RAB2A: variants seen among roughly 807,000 people sequenced by gnomAD.
The protein encoded by RAB2A is RAB2A, member RAS oncogene family.
In RAB2A, 7 loss-of-function variants were observed where a neutral mutation model predicts 32.5. The ratio of observed to expected loss-of-function variants is 0.22; its 90% CI spans 0.12 to 0.40. The LOEUF (loss-of-function observed/expected upper bound fraction) is 0.40, where lower values mean the gene tolerates loss of function less well. Ranked by LOEUF, RAB2A falls within the 10% of genes least tolerant of loss-of-function variation. RAB2A has a pLI of 1.00. For synonymous variants in RAB2A, 79 were observed against 85.2 expected, an observed-to-expected ratio of 0.93 and a Z score of 0.40; for missense variants, 108 against 260.7, an observed-to-expected ratio of 0.41 and a Z score of 4.03.
chr8:60,541,261 GA>G (rs1807640915), intron 1 of RAB2A, among the ~76,000 whole-genome samples: 1 of 147,472 alleles, frequency 6.8e-6, no homozygotes. Flanking sequence ...AGGAAAGCAT[GA>G]GAAACTGTTA....
chr8:60,517,146 C>G lies in RAB2A; in HGVS notation c.-62C>G, dbSNP rs1018562906. ...AGGCTGAGCGGCACCGGGGTTGGGG[C>G]GCGGAGGAGGAGCAGCAGCGGGAGG... On this transcript the variant is annotated 5_prime_UTR_variant, in exon 1 of 8. Coordinates refer to ENST00000262646, the MANE Select transcript of RAB2A (RefSeq NM_002865.3). 7 of 1,448,498 alleles carry G rather than the reference C, an allele frequency of 4.8e-6. No homozygotes were observed. The highest frequency in any genetic ancestry group is 6.4e-6 in the Non-Finnish European group (7 of 1,092,936). 89.7% of individuals were successfully genotyped at this position (1,448,498 alleles called of 1,614,324 possible). A position where few individuals can be genotyped will look rare whatever the true frequency, so the allele number is the denominator to read the frequency against.
At chr8:60,565,417 CAAA>C (rs34983530) in intron 2 of RAB2A, among the ~76,000 whole-genome samples, 10 of 111,336 alleles carry the variant, frequency 9.0e-5, no homozygotes, top group Non-Finnish European at 7.6e-5. Flanking sequence ...AGACCTGCCT[CAAA>C]AAAAAAAAAA....
chr8:60,591,809 G>GT, intron 5 of RAB2A, 49 bp from the exon 6 acceptor site: 1 of 1,217,928 alleles, frequency 8.2e-7, no homozygotes, highest in Non-Finnish European at 1.2e-6. Context: ...AAATGCTTCT[G>GT]TTTGTACCAT....
chr8:60,610,019 T>G (rs1376359319), intron 6 of RAB2A, among the ~76,000 whole-genome samples: 1 of 151,320 alleles, frequency 6.6e-6, no homozygotes, highest in Admixed American at 6.6e-5. Context: ...ATCAGGTGCT[T>G]CTTCCTTCAG....
At chr8:60,538,531 G>A (rs1403201520) in intron 1 of RAB2A, among the ~76,000 whole-genome samples, 1 of 152,210 alleles carries the variant, frequency 6.6e-6, no homozygotes, top group Non-Finnish European at 1.5e-5. Flanking sequence ...TACCTCTAAG[G>A]CTATGCAGAG....
At chr8:60,590,338 T>C (rs1391024496) in intron 5 of RAB2A, among the ~76,000 whole-genome samples, 6 of 151,678 alleles carry the variant, frequency 4.0e-5, no homozygotes, top group Non-Finnish European at 8.8e-5. Flanking sequence ...CATGACACAG[T>C]TTGAAAAATC....
intron 1 of RAB2A, chr8:60,558,401 G>A: frequency 2.0e-6 from 1 of 501,378 alleles, no homozygotes; most frequent in Admixed American, 2.1e-5. Context: ...AGAAAACAGA[G>A]CAAGGAGCTT....
chr8:60,561,608 C>T (rs1278368813), intron 2 of RAB2A, among the ~76,000 whole-genome samples: 1 of 152,168 alleles, frequency 6.6e-6, no homozygotes, highest in Non-Finnish European at 1.5e-5. Flanking sequence ...GGGAAATGGC[C>T]ATTGTCAATA....
chr8:60,619,243 A>G (rs1804494432), intron 7 of RAB2A: 1 of 152,202 alleles, frequency 6.6e-6, no homozygotes, highest in Non-Finnish European at 1.5e-5. Context: ...GCTTTGAAGC[A>G]TCTAATTCAG....
chr8:60,615,401 T>C (rs1436289094), intron 6 of RAB2A, among the ~76,000 whole-genome samples: 1 of 152,184 alleles, frequency 6.6e-6, no homozygotes, highest in Non-Finnish European at 1.5e-5. Flanking sequence ...CCTTGAGATA[T>C]TTACCAACCA....
At chr8:60,517,308 A>AG in intron 1 of RAB2A, 55 bp downstream of exon 1, 2 of 1,427,768 alleles carry the variant, frequency 1.4e-6, no homozygotes, top group Non-Finnish European at 9.2e-7. Flanking sequence ...ACCCGGGCTG[A>AG]GGGGCAAACG....
At position 60,622,157 on chromosome 8, in the gene RAB2A, C is replaced by T. The variant is rs1804538226; in HGVS notation, c.*1388C>T. 1 of 152,146 alleles carries T rather than the reference C, an allele frequency of 6.6e-6. No homozygotes were observed. The highest frequency in any genetic ancestry group is 2.4e-5 in the African/African-American group (1 of 41,426). The allele number at this position is 152,146 out of a possible 1,614,324, so 9.4% of individuals were successfully genotyped here. A position where few individuals can be genotyped will look rare whatever the true frequency, so the allele number is the denominator to read the frequency against. ...CTAAAATGCGACAAATCTCACCATA[C>T]TGAAATTATTTTTGTTGATGGTGTA... On this transcript the variant is annotated 3_prime_UTR_variant, in exon 8 of 8. Transcript: ENST00000262646.
At chr8:60,575,485 T>C (rs1300397109) in intron 3 of RAB2A, among the ~76,000 whole-genome samples, 1 of 152,140 alleles carries the variant, frequency 6.6e-6, no homozygotes, top group Non-Finnish European at 1.5e-5. Flanking sequence ...TGTCTGTACA[T>C]TTGGATAGCC....
chr8:60,528,795 A>C (rs1306954321), intron 1 of RAB2A, among the ~76,000 whole-genome samples: 3 of 152,106 alleles, frequency 2.0e-5, no homozygotes, highest in African/African-American at 7.2e-5. Flanking sequence ...CTGGTCTGTC[A>C]AACTCCTGGC....
intron 2 of RAB2A, among the ~76,000 whole-genome samples, chr8:60,559,792 C>CACTG (rs1279486711): frequency 6.6e-6 from 1 of 152,182 alleles, no homozygotes; most frequent in Non-Finnish European, 1.5e-5. Context: ...TCTTTTTAGC[C>CACTG]ACTGACTGCT....
intron 2 of RAB2A, among the ~76,000 whole-genome samples, chr8:60,565,527 G>A (rs1808096860): frequency 6.6e-6 from 1 of 151,884 alleles, no homozygotes; most frequent in African/African-American, 2.4e-5. Flanking sequence ...CTCACCACAG[G>A]AAATCAGTTT....
chr8:60,587,820 A>G (rs1803874743), intron 5 of RAB2A, among the ~76,000 whole-genome samples: 1 of 152,240 alleles, frequency 6.6e-6, no homozygotes, highest in African/African-American at 2.4e-5. Flanking sequence ...GCTACAGACT[A>G]GCAGAAAATA....
intron 6 of RAB2A, among the ~76,000 whole-genome samples, chr8:60,614,928 CAGG>C (rs1401420347): frequency 3.9e-5 from 6 of 152,206 alleles, no homozygotes; most frequent in Non-Finnish European, 4.4e-5. Context: ...CATGGGGAAG[CAGG>C]AGGACCACCA....
At chr8:60,531,275 A>G (rs1176532977) in intron 1 of RAB2A, among the ~76,000 whole-genome samples, 3 of 152,140 alleles carry the variant, frequency 2.0e-5, no homozygotes, top group Non-Finnish European at 4.4e-5. Context: ...TAGCTTAGAC[A>G]CCACTCTTGA....
Sources: allele counts gnomAD v4.1 joint callset (sites outside exome capture counted in the v4.1 genomes callset), GRCh38; gene constraint gnomAD v4.1.1; transcripts MANE v1.5; gene names NCBI Gene and HGNC (gene_info 2026-07-23, HGNC 2026-07-21).